Variants in DIAPH3 observed in about 807,000 individuals in gnomAD.
The protein encoded by DIAPH3 is protein diaphanous homolog 3.
In DIAPH3, 117 loss-of-function variants were observed where a neutral mutation model predicts 144.3. The observed-to-expected ratio is 0.81, with a 90% CI of 0.70 to 0.95. The LOEUF is 0.95. Among genes scored for constraint, DIAPH3 ranks in the 40% least tolerant of loss-of-function variants. DIAPH3 has a pLI of 0.00. For missense variants in DIAPH3, 1,421 were observed against 1,412.7 expected, an observed-to-expected ratio of 1.01 and a Z score of -0.09; for synonymous variants, 519 against 488.9, an observed-to-expected ratio of 1.06 and a Z score of -0.81.
At chr13:59,797,840 G>A (rs1234049412) in intron 25 of DIAPH3, among the ~76,000 whole-genome samples, 2 of 152,120 alleles carry the variant, frequency 1.3e-5, no homozygotes, top group Admixed American at 1.3e-4. Flanking sequence ...GAGGTTCTCG[G>A]TTAATCTAGC....
chr13:59,693,916 A>G (rs907173475), intron 27 of DIAPH3, among the ~76,000 whole-genome samples: 1 of 152,174 alleles, frequency 6.6e-6, no homozygotes, highest in African/African-American at 2.4e-5. Context: ...CATGTTTAGT[A>G]TACAACCTTC....
chr13:59,798,936 T>A (rs149807853), intron 25 of DIAPH3, among the ~76,000 whole-genome samples: 33 of 152,064 alleles, frequency 2.2e-4, no homozygotes, highest in Non-Finnish European at 4.0e-4. Flanking sequence ...GGAAACAAGA[T>A]TAGGGTACAA....
chr13:60,155,728 G>GCTGA (rs1951999988), intron 1 of DIAPH3, among the ~76,000 whole-genome samples: 1 of 152,000 alleles, frequency 6.6e-6, no homozygotes, highest in African/African-American at 2.4e-5. Flanking sequence ...ACTCAATGAA[G>GCTGA]GAACAAGTTC....
chr13:60,008,144 A>AG (rs1183860576), intron 9 of DIAPH3, among the ~76,000 whole-genome samples: 3 of 152,214 alleles, frequency 2.0e-5, no homozygotes, highest in African/African-American at 7.2e-5. Flanking sequence ...CTGTAATCCC[A>AG]GCACTTTGGG....
chr13:60,077,915 T>A (rs2057429791), intron 4 of DIAPH3, among the ~76,000 whole-genome samples: 1 of 152,032 alleles, frequency 6.6e-6, no homozygotes, highest in South Asian at 2.1e-4. Flanking sequence ...GACTAGCCTA[T>A]AAGGAGAGAA....
intron 4 of DIAPH3, among the ~76,000 whole-genome samples, chr13:60,093,079 C>A (rs1214281192): frequency 1.3e-5 from 2 of 152,132 alleles, no homozygotes; most frequent in Non-Finnish European, 2.9e-5. Flanking sequence ...ATTCTGTGTG[C>A]CAGTCATGGT....
intron 25 of DIAPH3, among the ~76,000 whole-genome samples, chr13:59,780,589 A>G (rs1227413927): frequency 3.9e-5 from 6 of 152,166 alleles, no homozygotes; most frequent in African/African-American, 1.4e-4. Context: ...ATATCATCTT[A>G]ATTTGTAAAT....
At chr13:59,933,705 AAC>A (rs1200704476) in intron 17 of DIAPH3, among the ~76,000 whole-genome samples, 2 of 152,190 alleles carry the variant, frequency 1.3e-5, no homozygotes, top group African/African-American at 4.8e-5. Flanking sequence ...TCTGATCACT[AAC>A]ACAGCATATG....
chr13:60,007,055 T>A (rs1338439501), intron 9 of DIAPH3, among the ~76,000 whole-genome samples: 2 of 146,132 alleles, frequency 1.4e-5, no homozygotes, highest in African/African-American at 5.0e-5. Flanking sequence ...CATATTCTCA[T>A]TTTTTTTTTT....
intron 14 of DIAPH3, among the ~76,000 whole-genome samples, chr13:59,977,843 G>T (rs1316521567): frequency 1.3e-5 from 2 of 151,754 alleles, no homozygotes; most frequent in Non-Finnish European, 2.9e-5. Flanking sequence ...AGGGGGAAAA[G>T]ATATTTTTAG....
chr13:60,068,882 G>C (rs1239645924), intron 4 of DIAPH3, among the ~76,000 whole-genome samples: 3 of 152,136 alleles, frequency 2.0e-5, no homozygotes, highest in Non-Finnish European at 4.4e-5. Flanking sequence ...GCTTTATGCA[G>C]TTCACTGTGG....
chr13:59,964,183 C>A (rs2049924195), intron 17 of DIAPH3, among the ~76,000 whole-genome samples: 2 of 152,012 alleles, frequency 1.3e-5, no homozygotes, highest in South Asian at 4.2e-4. Context: ...TACGGACACA[C>A]CACTAAGAAC....
At chr13:60,132,837 A>C in intron 2 of DIAPH3, 120 bp downstream of exon 2, 1 of 817,684 alleles carries the variant, frequency 1.2e-6, no homozygotes, top group Admixed American at 2.1e-5. Context: ...GCACTATAAG[A>C]ATAGTACGTT....
At chr13:60,163,476 T>A in intron 1 of DIAPH3, 111 bp downstream of exon 1, 33 of 1,429,624 alleles carry the variant, frequency 2.3e-5, no homozygotes, top group East Asian at 7.1e-5. Context: ...CTTTGGCACC[T>A]CTGGATCTCT....
At chr13:59,804,498 C>A (rs1198854144) in intron 25 of DIAPH3, among the ~76,000 whole-genome samples, 5 of 152,102 alleles carry the variant, frequency 3.3e-5, no homozygotes, top group African/African-American at 1.2e-4. Context: ...AAAATAGTCT[C>A]ATGAGTTTGT....
At chr13:59,727,805 A>G (rs1471401868) in intron 27 of DIAPH3, among the ~76,000 whole-genome samples, 1 of 152,168 alleles carries the variant, frequency 6.6e-6, no homozygotes, top group Non-Finnish European at 1.5e-5. Context: ...GCGGCTTCAT[A>G]CAGAGGGTCT....
At chr13:60,106,190 T>C (rs914730067) in intron 3 of DIAPH3, among the ~76,000 whole-genome samples, 1 of 152,196 alleles carries the variant, frequency 6.6e-6, no homozygotes, top group Non-Finnish European at 1.5e-5. Flanking sequence ...AGGTTTATTA[T>C]ACAGTTGTGG....
At chr13:60,096,572 G>C (rs1215239436) in intron 3 of DIAPH3, among the ~76,000 whole-genome samples, 1 of 152,144 alleles carries the variant, frequency 6.6e-6, no homozygotes, top group Admixed American at 6.5e-5. Flanking sequence ...GAAGAGATTG[G>C]CACTTGAATC....
At chr13:60,140,585 T>C (rs73534947) in intron 1 of DIAPH3, among the ~76,000 whole-genome samples, 9,118 of 152,190 alleles carry the variant, frequency 0.06, 889 homozygotes, top group African/African-American at 0.21. Flanking sequence ...TACATATATA[T>C]GGAAAAAATA....
Sources: gnomAD v4.1 joint callset for allele counts (sites outside exome capture counted in the v4.1 genomes callset) on GRCh38, gnomAD v4.1.1 for gene constraint, MANE v1.5 for transcripts, NCBI Gene and HGNC (gene_info 2026-07-23, HGNC 2026-07-21) for gene names.